Variants in AMPH observed in about 807,000 individuals in gnomAD.
AMPH encodes the protein amphiphysin, also known as amphiphysin (Stiff-Mann syndrome with breast cancer 128kD autoantigen).
In AMPH, 49 loss-of-function variants were observed where a neutral mutation model predicts 99.1. The observed-to-expected ratio is 0.49, with a 90% CI of 0.39 to 0.63. The LOEUF is 0.63. AMPH is among the 20% of genes least tolerant of loss of function. AMPH has a pLI of 0.00. For synonymous variants in AMPH, 314 were observed against 317.3 expected (o/e 0.99, Z 0.11); for missense variants, 759 against 863.4 (o/e 0.88, Z 1.52).
intron 2 of AMPH, among the ~76,000 whole-genome samples, chr7:38,513,046 T>C (rs1167305951): frequency 6.6e-6 from 1 of 152,178 alleles, no homozygotes; most frequent in African/African-American, 2.4e-5. Context: ...GCCGTTACAT[T>C]CTTTTGACAC....
At chr7:38,459,282 T>A (rs750451937) in intron 11 of AMPH, among the ~76,000 whole-genome samples, 14 of 152,140 alleles carry the variant, frequency 9.2e-5, no homozygotes, top group Non-Finnish European at 1.8e-4. Context: ...CCCAAAGCAA[T>A]CTACAGATAC....
intron 1 of AMPH, among the ~76,000 whole-genome samples, chr7:38,571,298 T>A (rs1367492305): frequency 1.3e-5 from 1 of 78,014 alleles, no homozygotes; most frequent in Non-Finnish European, 2.2e-5. Flanking sequence ...TATTTATATA[T>A]GAATATATAT....
chr7:38,440,388 C>T (rs1786458915), intron 11 of AMPH, among the ~76,000 whole-genome samples: 2 of 152,220 alleles, frequency 1.3e-5, no homozygotes, highest in Non-Finnish European at 2.9e-5. Flanking sequence ...GAATACATCA[C>T]CCTCATATAC....
At chr7:38,629,664 T>C (rs1794384664) in intron 1 of AMPH, among the ~76,000 whole-genome samples, 1 of 152,128 alleles carries the variant, frequency 6.6e-6, no homozygotes, top group Non-Finnish European at 1.5e-5. Context: ...GTGGATTCAG[T>C]GAAAAGCCTC....
intron 2 of AMPH, among the ~76,000 whole-genome samples, chr7:38,504,071 C>G (rs74557987): frequency 1.3e-5 from 2 of 152,104 alleles, no homozygotes; most frequent in Admixed American, 1.3e-4. Context: ...TGAGTACTTG[C>G]AATTGAGATG....
chr7:38,573,482 G>A (rs1452088764), intron 1 of AMPH, among the ~76,000 whole-genome samples: 2 of 152,212 alleles, frequency 1.3e-5, no homozygotes, highest in Non-Finnish European at 2.9e-5. Flanking sequence ...GAGCTTTGGT[G>A]TCACAGCATA....
intron 4 of AMPH, among the ~76,000 whole-genome samples, chr7:38,491,818 C>T (rs2196679): frequency 0.15 from 22,916 of 152,056 alleles, 3,223 homozygotes; most frequent in African/African-American, 0.37. Flanking sequence ...CAGACACAGG[C>T]TTCAACTCAG....
chr7:38,538,201 A>G (rs1351966663), intron 1 of AMPH, among the ~76,000 whole-genome samples: 1 of 152,240 alleles, frequency 6.6e-6, no homozygotes, highest in Non-Finnish European at 1.5e-5. Context: ...CAAACAGGTA[A>G]ATAGACTAAG....
At chr7:38,396,339 T>C (rs996794193) in intron 17 of AMPH, among the ~76,000 whole-genome samples, 5 of 152,236 alleles carry the variant, frequency 3.3e-5, no homozygotes, top group African/African-American at 4.8e-5. Flanking sequence ...GGAGTTTCCC[T>C]GCACAAGCTC....
chr7:38,454,064 G>T (rs749165447), intron 11 of AMPH, among the ~76,000 whole-genome samples: 1 of 152,162 alleles, frequency 6.6e-6, no homozygotes, highest in Non-Finnish European at 1.5e-5. Context: ...GCCATGCACC[G>T]ATAAACACCA....
intron 1 of AMPH, among the ~76,000 whole-genome samples, chr7:38,537,064 C>G (rs143100380): frequency 6.6e-6 from 1 of 151,942 alleles, no homozygotes; most frequent in East Asian, 1.9e-4. Context: ...AACATAAATA[C>G]GCAAGAGTTT....
intron 14 of AMPH, chr7:38,427,860 T>A: frequency 2.2e-6 from 1 of 456,560 alleles, no homozygotes; most frequent in Non-Finnish European, 4.4e-6. Flanking sequence ...AGCCTCTATT[T>A]CTTGGTACAA....
rs374495078 is a variant in AMPH, at chr7:38,572,399, G to A, written c.70-37388C>T. ...ACAGTAGGTGCTACCATCTAGGTCT[G>A]CTTAAGTACAATCCATGATGCTCAC... On this transcript the variant is annotated intron_variant, in intron 1 of 20. Transcript: ENST00000356264. Among the ~76,000 whole-genome samples, 9 of 152,266 alleles carry A rather than the reference G, an allele frequency of 5.9e-5. No homozygotes were observed. The South Asian group carries it at 1.2e-3, about 21-fold the overall frequency.
At chr7:38,447,041 C>G (rs2276536) in intron 11 of AMPH, among the ~76,000 whole-genome samples, 2 of 151,446 alleles carry the variant, frequency 1.3e-5, no homozygotes, top group African/African-American at 4.8e-5. Flanking sequence ...TTGTTTGAGA[C>G]GGAGTTTCAC....
chr7:38,593,497 T>G (rs900979638), intron 1 of AMPH, among the ~76,000 whole-genome samples: 1 of 152,184 alleles, frequency 6.6e-6, no homozygotes, highest in Non-Finnish European at 1.5e-5. Flanking sequence ...AATGAAAATA[T>G]TAAAGGACCT....
chr7:38,596,436 A>T (rs1264234152), intron 1 of AMPH, among the ~76,000 whole-genome samples: 1 of 152,132 alleles, frequency 6.6e-6, no homozygotes, highest in Non-Finnish European at 1.5e-5. Flanking sequence ...TAGGCAGTAG[A>T]GGGTAAAAGT....
chr7:38,575,039 C>T (rs1394166501), intron 1 of AMPH, among the ~76,000 whole-genome samples: 3 of 131,014 alleles, frequency 2.3e-5, no homozygotes, highest in South Asian at 2.4e-4. Flanking sequence ...GGTGACAGAC[C>T]GAGACTCTGT....
intron 1 of AMPH, among the ~76,000 whole-genome samples, chr7:38,582,996 C>T (rs1437448436): frequency 1.3e-5 from 2 of 152,174 alleles, no homozygotes; most frequent in Non-Finnish European, 2.9e-5. Flanking sequence ...GTTCACCACA[C>T]ATAAGAGTCA....
Position 38,565,993 on chromosome 7 carries a change from A to AAATATT in AMPH, c.70-30988_70-30983dup, listed in dbSNP as rs565044491. Among the ~76,000 whole-genome samples the AAATATT allele has an allele frequency of 2.2e-3, 340 of 152,346 alleles. 4 individuals are homozygous for AAATATT. The highest frequency in any genetic ancestry group is 7.7e-3 in the African/African-American group (319 of 41,576). On this transcript the variant is annotated intron_variant, in intron 1 of 20. Transcript: ENST00000356264. ...TCAAAGAAAAGATATCTTCATATGA[A>AAATATT]AATATTAACAGGGACCACCTTTAGA...
Sources: gnomAD v4.1 joint callset for allele counts (sites outside exome capture counted in the v4.1 genomes callset) on GRCh38, gnomAD v4.1.1 for gene constraint, MANE v1.5 for transcripts, NCBI Gene and HGNC (gene_info 2026-07-23, HGNC 2026-07-21) for gene names.